Variants in ITGBL1 observed in about 807,000 individuals in gnomAD.
ITGBL1 encodes the protein integrin beta-like protein 1.
A neutral mutation model predicts 68.5 loss-of-function variants in ITGBL1; 51 were observed. The observed-to-expected ratio is 0.74, with a 90% CI of 0.59 to 0.94. The LOEUF (loss-of-function observed/expected upper bound fraction) is 0.94, where lower values mean the gene tolerates loss of function less well. Ranked by LOEUF, ITGBL1 falls within the 40% of genes least tolerant of loss-of-function variation. ITGBL1 has a pLI of 0.00. For missense variants in ITGBL1, 649 were observed against 647.4 expected (o/e 1.00, Z -0.03); for synonymous variants, 209 against 227.3 (o/e 0.92, Z 0.72).
chr13:101,526,659 ATGTGTG>A (rs35919129), intron 2 of ITGBL1, among the ~76,000 whole-genome samples: 4 of 149,404 alleles, frequency 2.7e-5, no homozygotes, highest in East Asian at 2.0e-4. Context: ...TTGAAGTTAT[ATGTGTG>A]TGTGTGTGTG....
intron 7 of ITGBL1, among the ~76,000 whole-genome samples, chr13:101,612,759 T>C (rs1279190125): frequency 6.6e-6 from 1 of 152,076 alleles, no homozygotes; most frequent in Non-Finnish European, 1.5e-5. Context: ...TATGACAGGG[T>C]GAGCACAGGG....
At chr13:101,713,671 A>G (rs1263278160) in intron 9 of ITGBL1, 1 of 152,140 alleles carries the variant, frequency 6.6e-6, no homozygotes, top group East Asian at 1.9e-4. Context: ...CATCTCATTT[A>G]TTTTCTTTTA....
At chr13:101,469,197 C>T (rs2048423893) in intron 2 of ITGBL1, among the ~76,000 whole-genome samples, 1 of 152,126 alleles carries the variant, frequency 6.6e-6, no homozygotes, top group African/African-American at 2.4e-5. Context: ...GCCAACAATA[C>T]TGCAAAGAGA....
chr13:101,500,453 T>C (rs957764130), intron 2 of ITGBL1, among the ~76,000 whole-genome samples: 9 of 152,244 alleles, frequency 5.9e-5, no homozygotes, highest in Non-Finnish European at 1.0e-4. Flanking sequence ...AATCCTTTCT[T>C]CTCAGGAGCG....
chr13:101,564,927 A>G (rs1197292124), intron 2 of ITGBL1, among the ~76,000 whole-genome samples: 2 of 152,080 alleles, frequency 1.3e-5, no homozygotes, highest in African/African-American at 4.8e-5. Context: ...ATGAAAGGAT[A>G]TGCAGTATCA....
chr13:101,574,987 T>C (rs7358934), intron 3 of ITGBL1, among the ~76,000 whole-genome samples: 54,175 of 152,052 alleles, frequency 0.36, 10,184 homozygotes, highest in Non-Finnish European at 0.42. Flanking sequence ...ATATTTATTA[T>C]ATAAATAGTA....
intron 7 of ITGBL1, among the ~76,000 whole-genome samples, chr13:101,662,737 T>A (rs1331813899): frequency 6.6e-6 from 1 of 152,150 alleles, no homozygotes; most frequent in African/African-American, 2.4e-5. Context: ...CGTTCAGTTT[T>A]TCTCGGTAAC....
chr13:101,514,819 T>A lies in ITGBL1; in HGVS notation c.317-52880T>A, dbSNP rs1329635923. Among the ~76,000 whole-genome samples the A allele has an allele frequency of 2.6e-5, 4 of 152,202 alleles. No individual in the cohort carries two copies. In the South Asian group the frequency reaches 6.2e-4, roughly 24 times the overall value. The stretch of plus-strand genomic sequence containing the variant: ...GTACCCTCACTTATTCCAACTTAGA[T>A]GCCTTCCATTCCTTCTATCCACCTT... On this transcript the variant is annotated intron_variant, in intron 2 of 10. Transcript: ENST00000376180.
At chr13:101,686,513 A>AT (rs576422191) in intron 7 of ITGBL1, among the ~76,000 whole-genome samples, 120 of 151,730 alleles carry the variant, frequency 7.9e-4, no homozygotes, top group African/African-American at 2.7e-3. Context: ...TTCCAGAATT[A>AT]TTTTTACATA....
At chr13:101,701,596 A>G (rs759680178) in intron 8 of ITGBL1, among the ~76,000 whole-genome samples, 1 of 152,158 alleles carries the variant, frequency 6.6e-6, no homozygotes, top group Non-Finnish European at 1.5e-5. Flanking sequence ...AACATTTTAT[A>G]TTATTTGCAA....
At chr13:101,539,904 T>C (rs1207852385) in intron 2 of ITGBL1, among the ~76,000 whole-genome samples, 29 of 152,174 alleles carry the variant, frequency 1.9e-4, no homozygotes, top group Non-Finnish European at 3.8e-4. Context: ...GGGTTGTTTG[T>C]TTTTTTCTTG....
chr13:101,493,773 T>C (rs1396712437), intron 2 of ITGBL1, among the ~76,000 whole-genome samples: 1 of 152,240 alleles, frequency 6.6e-6, no homozygotes, highest in East Asian at 1.9e-4. Flanking sequence ...TCATCTGTCT[T>C]GAGGACAATC....
At position 101,452,758 on chromosome 13, in the gene ITGBL1, C is replaced by T; in HGVS notation, c.-76C>T. 8.4e-7 allele frequency: 1 copy of T among 1,186,312 alleles called. No homozygotes were observed. Among genetic ancestry groups the T allele is most frequent in the Non-Finnish European group, 1.3e-6 (1 of 793,608 alleles). The allele number at this position is 1,186,312 out of a possible 1,614,324, so 73.5% of individuals were successfully genotyped here. A position where few individuals can be genotyped will look rare whatever the true frequency, so the allele number is the denominator to read the frequency against. The stretch of plus-strand genomic sequence containing the variant: ...GCCCAGCCATCTGCTGGTGGCACCT[C>T]TCCCTCCTGCCGCCTCCCTCGGTGA... On this transcript the variant is annotated 5_prime_UTR_variant, in exon 1 of 11. Coordinates refer to ENST00000376180, the MANE Select transcript of ITGBL1 (RefSeq NM_004791.3).
At chr13:101,682,711 C>G (rs931516749) in intron 7 of ITGBL1, among the ~76,000 whole-genome samples, 1 of 151,748 alleles carries the variant, frequency 6.6e-6, no homozygotes, top group Admixed American at 6.6e-5. Flanking sequence ...GTAATGTTTT[C>G]TTAGTGTCTA....
chr13:101,669,517 G>C (rs2033306329), intron 7 of ITGBL1, among the ~76,000 whole-genome samples: 1 of 152,088 alleles, frequency 6.6e-6, no homozygotes. Flanking sequence ...GCTTAAGTTA[G>C]AAGAGAATTG....
At chr13:101,598,515 A>G (rs2030136187) in intron 7 of ITGBL1, among the ~76,000 whole-genome samples, 1 of 151,982 alleles carries the variant, frequency 6.6e-6, no homozygotes. Context: ...TACATGTGCC[A>G]TGATGATGTG....
rs1042146141 is a variant in ITGBL1, at chr13:101,639,903, G to T, written c.1015+41604G>T. 1.1e-4 allele frequency among the ~76,000 whole-genome samples: 17 copies of T among 152,102 alleles called. No homozygotes were observed. In the South Asian group the frequency reaches 2.7e-3, roughly 24 times the overall value. ...TCTTTTGTTTCTTTACTGATTGAAGGGTTCAATAAATTCCTTCAGCTCATA... is the reference window on the plus strand; with the variant it reads ...TCTTTTGTTTCTTTACTGATTGAAGTGTTCAATAAATTCCTTCAGCTCATA... On this transcript the variant is annotated intron_variant, in intron 7 of 10. Coordinates refer to ENST00000376180, the MANE Select transcript of ITGBL1 (RefSeq NM_004791.3).
At chr13:101,648,414 A>G (rs569094579) in intron 7 of ITGBL1, among the ~76,000 whole-genome samples, 29 of 152,322 alleles carry the variant, frequency 1.9e-4, no homozygotes, top group African/African-American at 6.5e-4. Context: ...ATTGGGCATA[A>G]CAGAAGAGAG....
At chr13:101,700,509 A>G (rs1336328922) in intron 8 of ITGBL1, among the ~76,000 whole-genome samples, 4 of 152,126 alleles carry the variant, frequency 2.6e-5, no homozygotes, top group Non-Finnish European at 4.4e-5. Flanking sequence ...ACATACCTTA[A>G]TCTGTCCCAC....
Sources: gnomAD v4.1 joint callset for allele counts (sites outside exome capture counted in the v4.1 genomes callset) on GRCh38, gnomAD v4.1.1 for gene constraint, MANE v1.5 for transcripts, NCBI Gene and HGNC (gene_info 2026-07-23, HGNC 2026-07-21) for gene names.